The following ROCK1 variants were observed in gnomAD, a reference collection of about 807,000 sequenced individuals.
ROCK1 encodes Rho associated coiled-coil containing protein kinase 1.
In ROCK1, 36 loss-of-function variants were observed where a neutral mutation model predicts 196.8. That is an observed-to-expected ratio of 0.18 (90% CI 0.14 to 0.24). The LOEUF is 0.24. Among genes scored for constraint, ROCK1 ranks in the 10% least tolerant of loss-of-function variants. ROCK1 has a pLI of 1.00. For missense variants in ROCK1, 920 were observed against 1,562.0 expected (o/e 0.59, Z 6.93); for synonymous variants, 443 against 515.9 (o/e 0.86, Z 1.91).
At chr18:20,965,110 G>A (rs1007050725) in intron 27 of ROCK1, among the ~76,000 whole-genome samples, 13 of 152,142 alleles carry the variant, frequency 8.5e-5, no homozygotes, top group Non-Finnish European at 1.3e-4. Flanking sequence ...AGCAAGGTCG[G>A]CCAGGCGGGT....
At chr18:20,963,341 T>C (rs1410214508) in intron 27 of ROCK1, among the ~76,000 whole-genome samples, 4 of 152,100 alleles carry the variant, frequency 2.6e-5, no homozygotes, top group Non-Finnish European at 5.9e-5. Context: ...TATTTAGCTA[T>C]ACCACAAACA....
At chr18:21,045,900 T>G (rs12955676) in intron 4 of ROCK1, among the ~76,000 whole-genome samples, 3 of 36,074 alleles carry the variant, frequency 8.3e-5, no homozygotes, top group East Asian at 9.5e-4. Flanking sequence ...GTTTCAGCTG[T>G]TTTTTTTTTT....
chr18:21,011,750 T>C (rs1804056809), intron 13 of ROCK1, among the ~76,000 whole-genome samples: 1 of 152,040 alleles, frequency 6.6e-6, no homozygotes, highest in African/African-American at 2.4e-5. Context: ...GCCACCACAC[T>C]TGACCTAAAA....
At chr18:21,083,887 T>C (rs2036503557) in intron 1 of ROCK1, among the ~76,000 whole-genome samples, 1 of 151,982 alleles carries the variant, frequency 6.6e-6, no homozygotes, top group Non-Finnish European at 1.5e-5. Flanking sequence ...GGAGAGAGGG[T>C]AGTGGTCAGT....
At position 20,960,224 on chromosome 18, in the gene ROCK1, T is replaced by A. The variant is rs201454814; in HGVS notation, c.3353-18A>T. The A allele has an allele frequency of 7.2e-7, 1 of 1,392,738 alleles. No homozygotes were observed. Among genetic ancestry groups the A allele is most frequent in the East Asian group, 2.3e-5 (1 of 43,732 alleles). 86.3% of individuals were successfully genotyped at this position (1,392,738 alleles called of 1,614,324 possible). On this transcript the variant is annotated intron_variant, in intron 27 of 32. Coordinates refer to ENST00000399799, the MANE Select transcript of ROCK1 (RefSeq NM_005406.3). ...TCTTGACTCTAGGAGAAAAAGAATA[T>A]ATGTATTAGTCAGTCTTAAATTGTA...
chr18:21,019,465 G>A (rs978129585), intron 12 of ROCK1, among the ~76,000 whole-genome samples: 1 of 152,104 alleles, frequency 6.6e-6, no homozygotes, highest in Non-Finnish European at 1.5e-5. Flanking sequence ...AGTAAGTCAG[G>A]CAACTAAATG....
chr18:20,963,975 T>C lies in ROCK1; in HGVS notation c.3352+2942A>G, dbSNP rs139416038. On this transcript the variant is annotated intron_variant, in intron 27 of 32. Coordinates refer to ENST00000399799, the MANE Select transcript of ROCK1 (RefSeq NM_005406.3). ...AATTGGGAATTTTAGAAGGGAGATT[T>C]AATATTTAAGCTAGTTAATAACAAA... Among the ~76,000 whole-genome samples, 4 of 152,250 alleles carry C rather than the reference T, an allele frequency of 2.6e-5. No homozygotes were observed. The East Asian group carries it at 7.7e-4, about 29-fold the overall frequency.
chr18:20,958,972 AATAT>A (rs1312158707), intron 29 of ROCK1, among the ~76,000 whole-genome samples: 3 of 91,660 alleles, frequency 3.3e-5, no homozygotes, highest in Non-Finnish European at 6.0e-5. Flanking sequence ...TAATATATAT[AATAT>A]ATATATTTTA....
rs572644167 is a variant in ROCK1 at position 21,013,825 on chromosome 18, A to G, written c.1410+1606T>C. ...AGGCCTGTAATCCCAGCACTTTGGG[A>G]GGCCAAGGCGGGTGGATCAAGGTCA... On this transcript the variant is annotated intron_variant, in intron 13 of 32. Transcript: ENST00000399799. Among the ~76,000 whole-genome samples, 107 of 152,214 alleles carry G rather than the reference A, an allele frequency of 7.0e-4. No individual in the cohort carries two copies. The Middle Eastern group carries it at 0.01, about 15-fold the overall frequency.
intron 22 of ROCK1, among the ~76,000 whole-genome samples, chr18:20,976,365 G>A (rs1048988274): frequency 3.3e-5 from 5 of 152,050 alleles, no homozygotes; most frequent in Non-Finnish European, 7.4e-5. Flanking sequence ...AAATTGTCTG[G>A]AGGGATCCAG....
At chr18:20,956,235 A>G (rs929742867) in intron 29 of ROCK1, among the ~76,000 whole-genome samples, 1 of 152,160 alleles carries the variant, frequency 6.6e-6, no homozygotes, top group African/African-American at 2.4e-5. Flanking sequence ...AAAAAAGAAA[A>G]GATAAGAAAT....
intron 19 of ROCK1, among the ~76,000 whole-genome samples, chr18:20,985,563 A>G (rs1431511991): frequency 6.6e-6 from 1 of 152,164 alleles, no homozygotes; most frequent in Non-Finnish European, 1.5e-5. Context: ...CAATGCTTGT[A>G]GTTACTATTT....
At chr18:20,971,272 C>T (rs1225141408) in intron 22 of ROCK1, among the ~76,000 whole-genome samples, 1 of 149,908 alleles carries the variant, frequency 6.7e-6, no homozygotes, top group Non-Finnish European at 1.5e-5. Flanking sequence ...AATTTTCTGC[C>T]TGAAGCCTCA....
At chr18:21,050,186 A>G (rs1254794861) in intron 2 of ROCK1, among the ~76,000 whole-genome samples, 2 of 152,128 alleles carry the variant, frequency 1.3e-5, no homozygotes, top group African/African-American at 4.8e-5. Flanking sequence ...ATAATTAGCT[A>G]ATTAGTTCCT....
intron 32 of ROCK1, among the ~76,000 whole-genome samples, chr18:20,952,033 T>C (rs2035192752): frequency 6.6e-6 from 1 of 152,194 alleles, no homozygotes; most frequent in Non-Finnish European, 1.5e-5. Flanking sequence ...TGAGCCTTAT[T>C]TACTAATGTG....
At position 20,984,492 on chromosome 18, in the gene ROCK1, C is replaced by T. The variant is rs202021324; in HGVS notation, c.2348G>A (p.Arg783Gln). 4 of 1,613,070 alleles carry T rather than the reference C, an allele frequency of 2.5e-6. No homozygotes were observed. The highest frequency in any genetic ancestry group is 2.2e-5 in the East Asian group (1 of 44,806). Residue 783 changes from arginine to glutamine, a missense_variant, in exon 20 of 33, where the codon CGG becomes CAG. Coordinates refer to ENST00000399799, the MANE Select transcript of ROCK1 (RefSeq NM_005406.3). ...TLQLEQESNKRLLLQNELKTQ... is the reference protein window; with the variant it reads ...TLQLEQESNKQLLLQNELKTQ... ...CTTCAATTCATTTTGTAACAACAGC[C>T]GCTTATTTGATTCCTGCTCCAGTTG...
chr18:20,952,191 T>TG (rs2035195180), intron 32 of ROCK1, among the ~76,000 whole-genome samples: 1 of 152,074 alleles, frequency 6.6e-6, no homozygotes, highest in Non-Finnish European at 1.5e-5. Context: ...AAGACCAGCC[T>TG]GGCCAACATG....
chr18:20,990,905 C>T (rs189819928), intron 18 of ROCK1, among the ~76,000 whole-genome samples: 7 of 151,618 alleles, frequency 4.6e-5, no homozygotes, highest in Admixed American at 2.6e-4. Context: ...GGATTACAGG[C>T]GTGCGACACA....
intron 13 of ROCK1, among the ~76,000 whole-genome samples, chr18:21,009,727 A>AT (rs2143443121): frequency 6.6e-6 from 1 of 152,244 alleles, no homozygotes; most frequent in South Asian, 2.1e-4. Flanking sequence ...TATTGACATA[A>AT]TTTTAAAACT....
Sources: allele counts gnomAD v4.1 joint callset (sites outside exome capture counted in the v4.1 genomes callset), GRCh38; gene constraint gnomAD v4.1.1; transcripts MANE v1.5; gene names NCBI Gene and HGNC (gene_info 2026-07-23, HGNC 2026-07-21).